The following MALRD1 variants were observed in gnomAD, a reference collection of about 807,000 sequenced individuals.
MALRD1 encodes MAM and LDL receptor class A domain containing 1, also known as MAM and LDL-receptor class A domain-containing protein 1.
Under a neutral mutation model 242.1 loss-of-function variants are expected in MALRD1, and 247 were observed. That is an observed-to-expected ratio of 1.02 (90% CI 0.92 to 1.13). The LOEUF (loss-of-function observed/expected upper bound fraction) is 1.13. Ranked by LOEUF, MALRD1 falls within the 50% of genes most tolerant of loss-of-function variation. The pLI, the probability that MALRD1 is intolerant of heterozygous loss-of-function variation, is 0.00. For synonymous variants in MALRD1, 995 were observed against 866.6 expected, an observed-to-expected ratio of 1.15 and a Z score of -2.60; for missense variants, 2,989 against 2,533.1, an observed-to-expected ratio of 1.18 and a Z score of -3.86.
chr10:19,383,227 T>G (rs7100585), intron 26 of MALRD1, among the ~76,000 whole-genome samples: 85,353 of 151,822 alleles, frequency 0.56, 24,184 homozygotes, highest in Middle Eastern at 0.58. Flanking sequence ...AAGTAAGCCC[T>G]GGTGTCTGTT....
At chr10:19,626,432 T>A (rs1839654738) in intron 36 of MALRD1, among the ~76,000 whole-genome samples, 1 of 151,998 alleles carries the variant, frequency 6.6e-6, no homozygotes, top group Admixed American at 6.6e-5. Flanking sequence ...ACAAATATTT[T>A]TGCAGATATT....
At chr10:19,336,450 A>C (rs963570142) in intron 24 of MALRD1, among the ~76,000 whole-genome samples, 1 of 152,146 alleles carries the variant, frequency 6.6e-6, no homozygotes, top group African/African-American at 2.4e-5. Context: ...ACAGCTTCAG[A>C]TATGTATCAT....
intron 13 of MALRD1, among the ~76,000 whole-genome samples, chr10:19,169,591 GA>G (rs551812224): frequency 6.7e-6 from 1 of 150,216 alleles, no homozygotes; most frequent in Admixed American, 6.6e-5. Context: ...ATCCTCTGCA[GA>G]AAAAAAAAGA....
chr10:19,616,728 C>T (rs1180574632), intron 36 of MALRD1, among the ~76,000 whole-genome samples: 1 of 151,894 alleles, frequency 6.6e-6, no homozygotes, highest in Non-Finnish European at 1.5e-5. Context: ...TCTTAATCAA[C>T]ACACATAGTT....
chr10:19,657,274 T>TCTTTGTTG (rs1488852764), intron 36 of MALRD1, among the ~76,000 whole-genome samples: 1 of 152,184 alleles, frequency 6.6e-6, no homozygotes, highest in Non-Finnish European at 1.5e-5. Context: ...GAATTTTTAT[T>TCTTTGTTG]CTTTGTTGAA....
At chr10:19,443,053 G>T (rs1356062322) in intron 28 of MALRD1, among the ~76,000 whole-genome samples, 1 of 152,174 alleles carries the variant, frequency 6.6e-6, no homozygotes. Context: ...CTGGGAGAGT[G>T]TATGTGTCGA....
At chr10:19,326,857 C>T (rs1003068150) in intron 22 of MALRD1, among the ~76,000 whole-genome samples, 2 of 152,062 alleles carry the variant, frequency 1.3e-5, no homozygotes, top group Non-Finnish European at 2.9e-5. Flanking sequence ...TCATTTAATA[C>T]ACTGTGTAAG....
At chr10:19,077,563 C>T (rs752063453) in intron 2 of MALRD1, among the ~76,000 whole-genome samples, 2 of 151,904 alleles carry the variant, frequency 1.3e-5, no homozygotes, top group Non-Finnish European at 2.9e-5. Context: ...GAAAAGAACA[C>T]TAGAGAGGGA....
intron 30 of MALRD1, among the ~76,000 whole-genome samples, chr10:19,497,814 G>A (rs1425986277): frequency 2.0e-5 from 3 of 152,046 alleles, no homozygotes; most frequent in Non-Finnish European, 4.4e-5. Context: ...ACAAAAAAAA[G>A]AAAAATGAAA....
intron 20 of MALRD1, among the ~76,000 whole-genome samples, 198 bp from the exon 21 acceptor site, chr10:19,282,821 A>G (rs1431403515): frequency 6.6e-6 from 1 of 150,966 alleles, no homozygotes; most frequent in Non-Finnish European, 1.5e-5. Context: ...ATTTTTTCCT[A>G]TAAATATTTG....
intron 18 of MALRD1, among the ~76,000 whole-genome samples, chr10:19,219,388 A>G (rs1396667402): frequency 1.3e-5 from 2 of 152,148 alleles, no homozygotes; most frequent in African/African-American, 2.4e-5. Flanking sequence ...TAGTTTATAT[A>G]AGAAAGAGTA....
At chr10:19,602,426 A>G (rs1838401942) in intron 34 of MALRD1, among the ~76,000 whole-genome samples, 1 of 139,692 alleles carries the variant, frequency 7.2e-6, no homozygotes. Context: ...ATTCCCATCT[A>G]TGAGTGAGAA....
chr10:19,105,094 A>G (rs769811692), intron 5 of MALRD1, among the ~76,000 whole-genome samples: 1 of 152,042 alleles, frequency 6.6e-6, no homozygotes, highest in African/African-American at 2.4e-5. Context: ...ACTGTGTAAT[A>G]GAAAACCAGA....
chr10:19,125,683 C>T (rs1469884063), intron 7 of MALRD1, among the ~76,000 whole-genome samples: 1 of 151,502 alleles, frequency 6.6e-6, no homozygotes, highest in East Asian at 1.9e-4. Context: ...ATTTCTTTAA[C>T]AAAACCTAAA....
At chr10:19,566,050 T>C (rs2131456746) in intron 32 of MALRD1, among the ~76,000 whole-genome samples, 1 of 152,260 alleles carries the variant, frequency 6.6e-6, no homozygotes, top group South Asian at 2.1e-4. Flanking sequence ...CTTGCTAGTA[T>C]TTCTGCAATG....
At chr10:19,066,090 C>A (rs2131241163) in intron 1 of MALRD1, among the ~76,000 whole-genome samples, 1 of 152,196 alleles carries the variant, frequency 6.6e-6, no homozygotes, top group Non-Finnish European at 1.5e-5. Flanking sequence ...TGCATATAAC[C>A]TATACGTATC....
intron 2 of MALRD1, among the ~76,000 whole-genome samples, chr10:19,081,678 G>A (rs1291424223): frequency 6.6e-6 from 1 of 151,948 alleles, no homozygotes; most frequent in African/African-American, 2.4e-5. Flanking sequence ...TAATACCTGG[G>A]TGATGGATTG....
chr10:19,253,972 A>G (rs114336111), intron 18 of MALRD1, among the ~76,000 whole-genome samples: 2,148 of 151,836 alleles, frequency 0.014, 43 homozygotes, highest in African/African-American at 0.049. Flanking sequence ...AAGGGGTTTC[A>G]CCCTTTGCTC....
intron 36 of MALRD1, among the ~76,000 whole-genome samples, chr10:19,689,182 T>C (rs1429780480): frequency 6.6e-6 from 1 of 152,198 alleles, no homozygotes; most frequent in Non-Finnish European, 1.5e-5. Flanking sequence ...GAGGGAAGAA[T>C]ATGCTTCTAT....
Sources: gnomAD v4.1 joint callset for allele counts (sites outside exome capture counted in the v4.1 genomes callset) on GRCh38, gnomAD v4.1.1 for gene constraint, MANE v1.5 for transcripts, NCBI Gene and HGNC (gene_info 2026-07-23, HGNC 2026-07-21) for gene names.